Variants in AGBL1 observed in about 807,000 individuals in gnomAD.
AGBL1 encodes the protein AGBL carboxypeptidase 1.
A neutral mutation model predicts 118.9 loss-of-function variants in AGBL1; 130 were observed. That is an observed-to-expected ratio of 1.09 (90% CI 0.95 to 1.26). The LOEUF (loss-of-function observed/expected upper bound fraction) is 1.26, where lower values mean the gene tolerates loss of function less well. Among genes scored for constraint, AGBL1 ranks in the 50% most tolerant of loss-of-function variants. AGBL1 has a pLI of 0.00. For missense variants in AGBL1, 1,584 were observed against 1,298.1 expected (o/e 1.22, Z -3.38); for synonymous variants, 555 against 478.9 (o/e 1.16, Z -2.08).
intron 22 of AGBL1, among the ~76,000 whole-genome samples, chr15:86,700,459 G>T (rs2086336424): frequency 8.1e-6 from 1 of 123,644 alleles, no homozygotes; most frequent in African/African-American, 3.3e-5. Context: ...TACTTTTTCA[G>T]CAGACTAATA....
intron 1 of AGBL1, among the ~76,000 whole-genome samples, chr15:86,127,443 CTG>C (rs1443729130): frequency 1.3e-5 from 2 of 152,166 alleles, no homozygotes; most frequent in East Asian, 3.9e-4. Context: ...AATCCAGTGT[CTG>C]TGGATCTTGA....
chr15:86,953,078 T>A (rs2080895755), intron 23 of AGBL1, among the ~76,000 whole-genome samples: 1 of 152,206 alleles, frequency 6.6e-6, no homozygotes, highest in African/African-American at 2.4e-5. Context: ...ACTATAGTTT[T>A]ATCGTTTGAA....
intron 21 of AGBL1, among the ~76,000 whole-genome samples, chr15:86,563,877 A>C (rs2083870769): frequency 6.6e-6 from 1 of 152,062 alleles, no homozygotes; most frequent in South Asian, 2.1e-4. Flanking sequence ...TCCCTTTACC[A>C]TTATGTAATA....
At chr15:86,155,026 T>A (rs568201951) in intron 4 of AGBL1, among the ~76,000 whole-genome samples, 4 of 152,324 alleles carry the variant, frequency 2.6e-5, no homozygotes, top group Admixed American at 2.6e-4. Context: ...CCCATGATCC[T>A]TCTCAACAGG....
downstream of AGBL1, among the ~76,000 whole-genome samples, chr15:86,919,984 T>TG: frequency 6.6e-6 from 1 of 152,186 alleles, no homozygotes; most frequent in African/African-American, 2.4e-5. Flanking sequence ...GTACCTCAGT[T>TG]TTACATTGCT....
chr15:86,508,186 T>C (rs756649449), intron 18 of AGBL1, among the ~76,000 whole-genome samples: 10 of 151,964 alleles, frequency 6.6e-5, no homozygotes, highest in Non-Finnish European at 1.0e-4. Flanking sequence ...CCTCCCAAAG[T>C]GCTGGGATTA....
At chr15:86,599,449 T>C (rs1164910158) in intron 21 of AGBL1, among the ~76,000 whole-genome samples, 1 of 152,144 alleles carries the variant, frequency 6.6e-6, no homozygotes, top group Non-Finnish European at 1.5e-5. Flanking sequence ...CAATCTCTTA[T>C]TTTAAATGAC....
At chr15:86,090,106 C>G (rs376483337) in intron 1 of AGBL1, among the ~76,000 whole-genome samples, 1 of 152,190 alleles carries the variant, frequency 6.6e-6, no homozygotes, top group Non-Finnish European at 1.5e-5. Context: ...GAATATATGG[C>G]TACTTTCCCC....
intron 1 of AGBL1, among the ~76,000 whole-genome samples, chr15:86,101,480 A>G (rs983213473): frequency 3.9e-5 from 6 of 152,000 alleles, no homozygotes; most frequent in Non-Finnish European, 7.4e-5. Context: ...GAAGTCCCCA[A>G]CTATTATTAT....
intron 23 of AGBL1, among the ~76,000 whole-genome samples, chr15:86,969,028 G>T (rs1267423648): frequency 3.3e-5 from 5 of 151,902 alleles, no homozygotes; most frequent in Non-Finnish European, 7.4e-5. Flanking sequence ...AAATTTTGAG[G>T]AGAAACATTT....
chr15:86,867,122 G>A (rs1452401213), intron 22 of AGBL1, among the ~76,000 whole-genome samples: 1 of 152,132 alleles, frequency 6.6e-6, no homozygotes, highest in Non-Finnish European at 1.5e-5. Context: ...AAACACACTT[G>A]CATCTCATGC....
intron 22 of AGBL1, among the ~76,000 whole-genome samples, chr15:86,724,650 C>T (rs1330597742): frequency 1.3e-5 from 2 of 152,054 alleles, no homozygotes; most frequent in African/African-American, 4.8e-5. Flanking sequence ...TTGTTCCCTC[C>T]AAATCTCATG....
At chr15:86,917,910 C>T (rs2141614867), downstream of AGBL1, among the ~76,000 whole-genome samples, 1 of 152,244 alleles carries the variant, frequency 6.6e-6, no homozygotes, top group South Asian at 2.1e-4. The surrounding 1 kb of genome is among the most constrained non-coding windows in gnomAD (Gnocchi z 4.8). Flanking sequence ...GTTCTCTGTT[C>T]TGTGGGATCT....
At chr15:86,943,600 T>C (rs187546615) in intron 23 of AGBL1, among the ~76,000 whole-genome samples, 4 of 152,338 alleles carry the variant, frequency 2.6e-5, no homozygotes, top group Admixed American at 2.6e-4. Context: ...TCTTTTGTTA[T>C]GCAGATGGGT....
chr15:86,351,928 C>T (rs1462879981), intron 17 of AGBL1, among the ~76,000 whole-genome samples: 1 of 152,140 alleles, frequency 6.6e-6, no homozygotes, highest in East Asian at 1.9e-4. Context: ...CTTTAACTTA[C>T]ATTAAAAGTG....
intron 21 of AGBL1, among the ~76,000 whole-genome samples, chr15:86,564,380 T>C (rs1388250655): frequency 6.6e-6 from 1 of 152,198 alleles, no homozygotes; most frequent in Non-Finnish European, 1.5e-5. Flanking sequence ...TATTTCTCCT[T>C]CATTTATGAA....
At position 86,489,233 on chromosome 15, in the gene AGBL1, C is replaced by T. The variant is rs183524170; in HGVS notation, c.2556-33577C>T. Among the ~76,000 whole-genome samples the T allele has an allele frequency of 1.0e-3, 158 of 152,222 alleles. 1 individual carries two copies. The highest frequency in any genetic ancestry group is 0.01 in the Middle Eastern group (3 of 294). On this transcript the variant is annotated intron_variant, in intron 18 of 22. Transcript: ENST00000614907. ...CCAAAATCTCCTTATGATAAGGAGC[C>T]TTCCATTTGCTTTTATATTTGCAGG...
At chr15:86,415,192 A>G (rs2081674433) in intron 18 of AGBL1, among the ~76,000 whole-genome samples, 1 of 152,128 alleles carries the variant, frequency 6.6e-6, no homozygotes, top group Admixed American at 6.6e-5. Context: ...CTCCCCACCA[A>G]TGATCCGTTC....
intron 1 of AGBL1, among the ~76,000 whole-genome samples, chr15:86,134,157 A>T (rs2076855119): frequency 6.6e-6 from 1 of 152,204 alleles, no homozygotes; most frequent in African/African-American, 2.4e-5. Flanking sequence ...GTGTTATATA[A>T]CCATTTTTAG....
Sources: allele counts gnomAD v4.1 joint callset (sites outside exome capture counted in the v4.1 genomes callset), GRCh38; gene constraint gnomAD v4.1.1; non-coding constraint Gnocchi (gnomAD v3.1); transcripts MANE v1.5; gene names NCBI Gene and HGNC (gene_info 2026-07-23, HGNC 2026-07-21).